The following GALNT13 variants were observed in gnomAD, a reference collection of about 807,000 sequenced individuals.
The protein encoded by GALNT13 is polypeptide N-acetylgalactosaminyltransferase 13, also known as UDP-GalNAc:polypeptide N-acetylgalactosaminyltransferase 13.
A neutral mutation model predicts 64.2 loss-of-function variants in GALNT13; 28 were observed. That is an observed-to-expected ratio of 0.44 (90% CI 0.32 to 0.60). The LOEUF (loss-of-function observed/expected upper bound fraction) is 0.60, where lower values mean the gene tolerates loss of function less well. Ranked by LOEUF, GALNT13 falls within the 20% of genes least tolerant of loss-of-function variation. The pLI is 0.05. For missense variants in GALNT13, 577 were observed against 669.8 expected, an observed-to-expected ratio of 0.86 and a Z score of 1.53; for synonymous variants, 214 against 224.6, an observed-to-expected ratio of 0.95 and a Z score of 0.42.
intron 8 of GALNT13, among the ~76,000 whole-genome samples, chr2:154,296,020 G>A (rs1692903334): frequency 6.6e-6 from 1 of 152,132 alleles, no homozygotes; most frequent in South Asian, 2.1e-4. Context: ...GGGCCTTTTG[G>A]AGAGGAAGAT....
chr2:153,606,173 ATG>A, the GALNT13 span, among the ~76,000 whole-genome samples: 2 of 152,108 alleles, frequency 1.3e-5, no homozygotes, highest in African/African-American at 4.8e-5. Flanking sequence ...ATATATTTGT[ATG>A]TGTGTGTATA....
At chr2:153,146,814 A>C in the GALNT13 span, among the ~76,000 whole-genome samples, 4 of 151,918 alleles carry the variant, frequency 2.6e-5, no homozygotes, top group African/African-American at 9.7e-5. Context: ...GCATAGTGCC[A>C]TGTGCTGGTC....
intron 11 of GALNT13, among the ~76,000 whole-genome samples, chr2:154,434,603 T>C (rs1700861608): frequency 6.6e-6 from 1 of 152,140 alleles, no homozygotes; most frequent in Non-Finnish European, 1.5e-5. Context: ...ATCACCGTCT[T>C]ATAAGATAGC....
Position 153,936,013 on chromosome 2 carries a change from A to G in GALNT13, c.-104-8381A>G, listed in dbSNP as rs147762204. On this transcript the variant is annotated intron_variant, in intron 2 of 12. Transcript: ENST00000392825. ...CAAGTGGAACAGAGACATTTTTACA[A>G]AATATACAGAGACTCATTATACCTC... 6.6e-5 allele frequency among the ~76,000 whole-genome samples: 10 copies of G among 152,336 alleles called. No homozygotes were observed. In the East Asian group the frequency reaches 1.9e-3, roughly 29 times the overall value.
At chr2:154,269,906 G>GTGTATATATATATATATATAATATATATA (rs529424469) in intron 8 of GALNT13, among the ~76,000 whole-genome samples, 1 of 96,884 alleles carries the variant, frequency 1.0e-5, no homozygotes, top group South Asian at 4.0e-4. Flanking sequence ...ATATATATGT[G>GTGTATATATATATATATATAATATATATA]TATATATATA....
chr2:154,142,129 G>T (rs1418305466), intron 4 of GALNT13, among the ~76,000 whole-genome samples: 1 of 152,118 alleles, frequency 6.6e-6, no homozygotes, highest in African/African-American at 2.4e-5. Context: ...TTCTCTACAT[G>T]CAATAGAACA....
At chr2:154,091,226 T>C (rs1424026737) in intron 3 of GALNT13, among the ~76,000 whole-genome samples, 1 of 152,028 alleles carries the variant, frequency 6.6e-6, no homozygotes, top group Non-Finnish European at 1.5e-5. Context: ...AGCTGGATTA[T>C]GTTATGTTGT....
At chr2:154,067,996 A>C (rs892381098) in intron 3 of GALNT13, among the ~76,000 whole-genome samples, 12 of 152,048 alleles carry the variant, frequency 7.9e-5, no homozygotes, top group African/African-American at 2.7e-4. Context: ...GTATATAAGG[A>C]GCACAAACAA....
At chr2:153,407,342 A>G in the GALNT13 span, among the ~76,000 whole-genome samples, 1 of 152,258 alleles carries the variant, frequency 6.6e-6, no homozygotes, top group Non-Finnish European at 1.5e-5. Context: ...CATTAGTGAC[A>G]TAAAAATAAA....
chr2:154,190,766 G>A (rs1167150167), intron 4 of GALNT13, among the ~76,000 whole-genome samples: 11 of 152,168 alleles, frequency 7.2e-5, no homozygotes, highest in African/African-American at 4.8e-5. Flanking sequence ...AACTACATAT[G>A]TAATTGTATT....
the GALNT13 span, among the ~76,000 whole-genome samples, chr2:153,450,202 A>T: frequency 6.6e-6 from 1 of 152,178 alleles, no homozygotes; most frequent in African/African-American, 2.4e-5. Flanking sequence ...ATCATTTTCT[A>T]CTAAAGTCTT....
the GALNT13 span, among the ~76,000 whole-genome samples, chr2:153,128,122 C>T: frequency 5.9e-5 from 9 of 152,330 alleles, no homozygotes; most frequent in South Asian, 1.2e-3. Flanking sequence ...TGCTGCATTT[C>T]AGCACCTGTT....
At chr2:153,925,489 A>G (rs1478315428) in intron 2 of GALNT13, among the ~76,000 whole-genome samples, 1 of 139,984 alleles carries the variant, frequency 7.1e-6, no homozygotes, top group East Asian at 2.3e-4. Context: ...GGTAGCATGA[A>G]GCCTCGAGCT....
chr2:153,420,777 A>G, the GALNT13 span: 1 of 232,262 alleles, frequency 4.3e-6, no homozygotes, highest in Non-Finnish European at 9.6e-6. Context: ...TTCTTCTCCC[A>G]TCTCCTCACC....
At chr2:154,293,093 A>G (rs998109656) in intron 8 of GALNT13, among the ~76,000 whole-genome samples, 1 of 152,206 alleles carries the variant, frequency 6.6e-6, no homozygotes, top group Non-Finnish European at 1.5e-5. Context: ...TTTATATTGT[A>G]TACATGGTCA....
At chr2:154,203,730 C>G (rs1280238723) in intron 4 of GALNT13, among the ~76,000 whole-genome samples, 1 of 152,152 alleles carries the variant, frequency 6.6e-6, no homozygotes, top group East Asian at 1.9e-4. Flanking sequence ...ACCACACCCT[C>G]AATTTCCACT....
At chr2:153,074,357 G>A in the GALNT13 span, among the ~76,000 whole-genome samples, 1 of 152,092 alleles carries the variant, frequency 6.6e-6, no homozygotes, top group Non-Finnish European at 1.5e-5. Context: ...TTTCAAAGGT[G>A]ACTAACAAGA....
chr2:153,294,994 T>C, the GALNT13 span, among the ~76,000 whole-genome samples: 3 of 152,198 alleles, frequency 2.0e-5, no homozygotes, highest in African/African-American at 4.8e-5. Context: ...TGGGGCTTTA[T>C]AGATTTAAAT....
At chr2:153,733,657 T>C in the GALNT13 span, among the ~76,000 whole-genome samples, 1 of 152,304 alleles carries the variant, frequency 6.6e-6, no homozygotes, top group Admixed American at 6.5e-5. Context: ...TTAAAGTGGC[T>C]TCCTCTCCGT....
Sources: allele counts gnomAD v4.1 joint callset (sites outside exome capture counted in the v4.1 genomes callset), GRCh38; gene constraint gnomAD v4.1.1; transcripts MANE v1.5; gene names NCBI Gene and HGNC (gene_info 2026-07-23, HGNC 2026-07-21).